The following CARMIL1 variants were observed in gnomAD, a reference collection of about 807,000 sequenced individuals.
CARMIL1 encodes the protein capping protein regulator and myosin 1 linker 1, also known as F-actin-uncapping protein LRRC16A.
In CARMIL1, 90 loss-of-function variants were observed where a neutral mutation model predicts 177.1. The observed-to-expected ratio is 0.51, with a 90% CI of 0.43 to 0.61. The LOEUF (loss-of-function observed/expected upper bound fraction) is 0.61, where lower values mean the gene tolerates loss of function less well. CARMIL1 is among the 20% of genes least tolerant of loss of function. CARMIL1 has a pLI of 0.00. For synonymous variants in CARMIL1, 577 were observed against 606.2 expected (o/e 0.95, Z 0.71); for missense variants, 1,380 against 1,667.0 (o/e 0.83, Z 3.00).
intron 4 of CARMIL1, among the ~76,000 whole-genome samples, chr6:25,434,654 G>T (rs1036391790): frequency 4.6e-5 from 7 of 151,566 alleles, no homozygotes; most frequent in Non-Finnish European, 8.8e-5. Flanking sequence ...CTCCTGAGTA[G>T]CTGGGATTAC....
At chr6:25,503,297 T>C (rs1247582998) in intron 17 of CARMIL1, among the ~76,000 whole-genome samples, 1 of 152,220 alleles carries the variant, frequency 6.6e-6, no homozygotes, top group Non-Finnish European at 1.5e-5. Context: ...GGTGACCACA[T>C]TTATAAAGTC....
chr6:25,600,272 TACAGTAAAAACA>T, intron 32 of CARMIL1, 30 bp from the exon 33 acceptor site: 1 of 1,526,794 alleles, frequency 6.5e-7, no homozygotes, highest in Non-Finnish European at 8.8e-7. Flanking sequence ...GGAACTTATT[TACAGTAAAAACA>T]ACAGATCTGT....
rs757600850 is a variant in CARMIL1 at position 25,619,486 on chromosome 6, A to G, written c.4019A>G (p.Gln1340Arg). 3 of 1,613,888 alleles carry G rather than the reference A, an allele frequency of 1.9e-6. No individual in the cohort carries two copies. Among genetic ancestry groups the G allele is most frequent in the Non-Finnish European group, 2.5e-6 (3 of 1,179,844 alleles). The part of the protein sequence containing the change: ...RSWGQQAQEY[Q>R]EQKQRSSSKD... ...TGGGGCCAGCAGGCCCAGGAGTATCAAGAACAAAAGCAACGGTCCTCCAGT... is the reference window on the plus strand; with the variant it reads ...TGGGGCCAGCAGGCCCAGGAGTATCGAGAACAAAAGCAACGGTCCTCCAGT... Residue 1340 changes from glutamine (Q) to arginine (R), a missense_variant, in exon 37 of 37, where the codon CAA becomes CGA. By Grantham distance (43) the Gln-to-Arg change is conservative. Transcript: ENST00000329474.
intron 5 of CARMIL1, among the ~76,000 whole-genome samples, chr6:25,437,112 A>G (rs1797297795): frequency 6.6e-6 from 1 of 152,224 alleles, no homozygotes; most frequent in Non-Finnish European, 1.5e-5. Context: ...TGAGTTAACA[A>G]TAGCTACAAC....
chr6:25,500,046 C>A, intron 16 of CARMIL1, 120 bp from the exon 17 acceptor site: 1 of 810,042 alleles, frequency 1.2e-6, no homozygotes, highest in Non-Finnish European at 2.1e-6. Context: ...GTGCTTGGTG[C>A]TTGACCTGTG....
At chr6:25,324,905 A>G (rs1408994504) in intron 2 of CARMIL1, among the ~76,000 whole-genome samples, 1 of 152,046 alleles carries the variant, frequency 6.6e-6, no homozygotes, top group African/African-American at 2.4e-5. Flanking sequence ...GTGAACCCTA[A>G]GAGGACCACT....
chr6:25,619,519 G>A lies in CARMIL1; in HGVS notation c.4052G>A (p.Gly1351Asp), dbSNP rs375252687. The change falls in exon 37 of 37, where the codon GGC becomes GAC. Residue 1351 changes from glycine to aspartate, a missense_variant. Physicochemically the swap from Gly to Asp is moderately conservative, Grantham distance 94 (BLOSUM62 -1). Transcript: ENST00000329474. ...EQKQRSSSKDGHQGSKSNDSG... is the reference protein window; with the variant it reads ...EQKQRSSSKDDHQGSKSNDSG... ...AAGCAACGGTCCTCCAGTAAAGATG[G>A]CCATCAAGGCAGCAAATCTAATGAC... is the stretch of plus-strand genomic sequence containing the variant. 2.9e-5 allele frequency: 46 copies of A among 1,613,732 alleles called. No individual in the cohort carries two copies. In the African/African-American group the frequency reaches 5.6e-4, roughly 20 times the overall value.
intron 36 of CARMIL1, 97 bp from the exon 37 acceptor site, chr6:25,619,350 C>T (rs1051367098): frequency 3.1e-6 from 4 of 1,294,858 alleles, no homozygotes; most frequent in Admixed American, 2.6e-5. Context: ...CCCTCCCCTC[C>T]CCCAAACCTT....
intron 27 of CARMIL1, among the ~76,000 whole-genome samples, chr6:25,552,825 A>G (rs1038363958): frequency 1.3e-5 from 2 of 152,170 alleles, no homozygotes; most frequent in African/African-American, 4.8e-5. Context: ...AAACATGCCT[A>G]AAAAGAATCA....
intron 1 of CARMIL1, among the ~76,000 whole-genome samples, chr6:25,282,527 C>G (rs1009489962): frequency 6.6e-6 from 1 of 152,140 alleles, no homozygotes; most frequent in Non-Finnish European, 1.5e-5. Flanking sequence ...CACTCTTTAT[C>G]TCAGCAGCTC....
chr6:25,606,307 A>G, intron 35 of CARMIL1, 34 bp downstream of exon 35: 1 of 1,594,298 alleles, frequency 6.3e-7, no homozygotes, highest in Non-Finnish European at 8.6e-7. Context: ...TTGCATTGTG[A>G]CCAGGTGGCT....
intron 2 of CARMIL1, among the ~76,000 whole-genome samples, chr6:25,353,535 A>C (rs1788306884): frequency 6.6e-6 from 1 of 152,196 alleles, no homozygotes; most frequent in Non-Finnish European, 1.5e-5. Flanking sequence ...TCTAGGCTGC[A>C]TGTTATGTGC....
chr6:25,435,560 C>T lies in CARMIL1; in HGVS notation c.327C>T (p.His109=). 6.4e-7 allele frequency: 1 copy of T among 1,564,446 alleles called. No individual in the cohort carries two copies. The highest frequency in any genetic ancestry group is 8.7e-7 in the Non-Finnish European group (1 of 1,153,444). The change falls in exon 5 of 37, where the codon CAC becomes CAT. Residue 109 remains histidine, a synonymous_variant. Transcript: ENST00000329474. The part of the protein sequence containing the change: ...SPEDVSEVLA[H]IGTCLRKIFP... ...AGGACGTGAGTGAGGTGCTGGCTCA[C>T]ATAGGCACCTGCCTGAGGAAGATAT...
intron 4 of CARMIL1, among the ~76,000 whole-genome samples, chr6:25,431,081 T>C (rs1166833259): frequency 2.6e-5 from 4 of 152,178 alleles, no homozygotes; most frequent in Non-Finnish European, 4.4e-5. Context: ...TAGTTACATA[T>C]GTATACATGT....
At chr6:25,472,068 A>G (rs1278205633) in intron 10 of CARMIL1, among the ~76,000 whole-genome samples, 1 of 152,210 alleles carries the variant, frequency 6.6e-6, no homozygotes, top group Non-Finnish European at 1.5e-5. Context: ...TGGAATGAGA[A>G]ATAAGATGTG....
intron 2 of CARMIL1, among the ~76,000 whole-genome samples, chr6:25,365,072 T>C (rs1455158251): frequency 6.6e-6 from 1 of 152,254 alleles, no homozygotes; most frequent in Non-Finnish European, 1.5e-5. Flanking sequence ...AAAGTCTCTC[T>C]TGTTTTTTAT....
intron 2 of CARMIL1, among the ~76,000 whole-genome samples, chr6:25,400,290 A>T (rs966172188): frequency 1.3e-5 from 2 of 152,196 alleles, no homozygotes; most frequent in Non-Finnish European, 2.9e-5. Context: ...CTATAAAGAA[A>T]GTCCACACCC....
intron 2 of CARMIL1, among the ~76,000 whole-genome samples, chr6:25,291,176 T>C (rs1298155023): frequency 6.6e-6 from 1 of 152,164 alleles, no homozygotes; most frequent in Non-Finnish European, 1.5e-5. Flanking sequence ...ACATCTTAAT[T>C]AGACTGGATT....
intron 2 of CARMIL1, among the ~76,000 whole-genome samples, chr6:25,410,049 A>G (rs1320608577): frequency 6.6e-6 from 1 of 152,000 alleles, no homozygotes; most frequent in African/African-American, 2.4e-5. Context: ...CTCTGATTAT[A>G]TATGTAATGG....
Sources: allele counts gnomAD v4.1 joint callset (sites outside exome capture counted in the v4.1 genomes callset), GRCh38; gene constraint gnomAD v4.1.1; transcripts MANE v1.5; gene names NCBI Gene and HGNC (gene_info 2026-07-23, HGNC 2026-07-21).